SGCD: variants seen among roughly 807,000 people sequenced by gnomAD.
SGCD encodes the protein delta-sarcoglycan.
In SGCD, 18 loss-of-function variants were observed where a neutral mutation model predicts 36.6. The observed-to-expected ratio is 0.49, with a 90% CI of 0.34 to 0.73. The LOEUF is 0.73. Ranked by LOEUF, SGCD falls within the 30% of genes least tolerant of loss-of-function variation. The probability of loss-of-function intolerance (pLI) is 0.01; values close to 1 mark genes in which losing one functional copy is unlikely to be tolerated. For synonymous variants in SGCD, 133 were observed against 130.6 expected (o/e 1.02, Z -0.12); for missense variants, 387 against 346.7 (o/e 1.12, Z -0.92).
intron 4 of SGCD, among the ~76,000 whole-genome samples, chr5:156,569,606 CAAAA>C (rs11364707): frequency 8.0e-6 from 1 of 124,516 alleles, no homozygotes; most frequent in Non-Finnish European, 1.7e-5. Context: ...GACCCTGTCT[CAAAA>C]AAAAAAAAAA....
chr5:156,444,118 C>CT (rs1753648144), intron 3 of SGCD, among the ~76,000 whole-genome samples: 1 of 69,334 alleles, frequency 1.4e-5, no homozygotes, highest in African/African-American at 7.8e-5. Context: ...CTCTCTCTCC[C>CT]CTTCCCTCTC....
At chr5:156,332,268 T>G (rs906047290) in intron 2 of SGCD, among the ~76,000 whole-genome samples, 4 of 152,188 alleles carry the variant, frequency 2.6e-5, no homozygotes, top group African/African-American at 9.7e-5. Flanking sequence ...CAAAGTGTTT[T>G]TTTGTTTGTT....
chr5:156,701,666 C>G (rs1199375027), intron 7 of SGCD, among the ~76,000 whole-genome samples: 3 of 152,076 alleles, frequency 2.0e-5, no homozygotes, highest in Admixed American at 6.5e-5. Flanking sequence ...AAACAGAAAG[C>G]CTCTGAAGAG....
intron 3 of SGCD, among the ~76,000 whole-genome samples, chr5:156,374,149 CAAA>C (rs34872468): frequency 3.6e-5 from 5 of 140,642 alleles, no homozygotes; most frequent in African/African-American, 1.1e-4. Context: ...GTTCAAAATA[CAAA>C]AAAAAAAAAA....
At chr5:156,749,973 TGAAATATTTTCA>T (rs1431108425) in intron 7 of SGCD, among the ~76,000 whole-genome samples, 1 of 151,846 alleles carries the variant, frequency 6.6e-6, no homozygotes, top group Non-Finnish European at 1.5e-5. Flanking sequence ...CCAAAAAAAA[TGAAATATTTTCA>T]GAAATATATA....
At chr5:156,448,734 T>TC in intron 3 of SGCD, among the ~76,000 whole-genome samples, 1 of 107,394 alleles carries the variant, frequency 9.3e-6, no homozygotes, top group Admixed American at 8.4e-5. Flanking sequence ...TCTTTTTCTT[T>TC]TTTTTTTTTT....
At chr5:156,091,835 G>A (rs1237250144) in intron 1 of SGCD, among the ~76,000 whole-genome samples, 1 of 152,230 alleles carries the variant, frequency 6.6e-6, no homozygotes, top group Non-Finnish European at 1.5e-5. Flanking sequence ...AATTGTCCCA[G>A]GCTAAATTTT....
intron 1 of SGCD, among the ~76,000 whole-genome samples, chr5:156,052,826 T>G (rs1374169406): frequency 6.8e-6 from 1 of 146,646 alleles, no homozygotes; most frequent in Admixed American, 6.8e-5. Flanking sequence ...TCACATTAAC[T>G]TGGGCACAGG....
At chr5:156,447,361 A>G (rs1385401505) in intron 3 of SGCD, among the ~76,000 whole-genome samples, 2 of 152,122 alleles carry the variant, frequency 1.3e-5, no homozygotes, top group Non-Finnish European at 2.9e-5. Flanking sequence ...ATGAGTGCTT[A>G]TTTGCTATTC....
intron 1 of SGCD, among the ~76,000 whole-genome samples, chr5:155,950,625 A>T (rs1757530388): frequency 6.6e-6 from 1 of 152,156 alleles, no homozygotes; most frequent in African/African-American, 2.4e-5. Context: ...TGTTGCTAGG[A>T]AGGACACAAC....
At position 156,472,616 on chromosome 5, in the gene SGCD, C is replaced by T. The variant is rs1426913913; in HGVS notation, c.193-35985C>T. On this transcript the variant is annotated intron_variant, in intron 3 of 8. Transcript: ENST00000337851. ...TATTTTTAGCAGAAATGGGGTTTCA[C>T]CATGTTGACCAGGCTGGTCTCGAAC... Among the ~76,000 whole-genome samples, 4 of 152,112 alleles carry T rather than the reference C, an allele frequency of 2.6e-5. No homozygotes were observed. The East Asian group carries it at 7.7e-4, about 29-fold the overall frequency.
At chr5:156,734,455 A>G (rs1016939965) in intron 7 of SGCD, among the ~76,000 whole-genome samples, 1 of 152,014 alleles carries the variant, frequency 6.6e-6, no homozygotes, top group African/African-American at 2.4e-5. Context: ...GTTCTCATGG[A>G]TGATATCCTG....
chr5:156,481,080 T>C (rs1755403966), intron 3 of SGCD, among the ~76,000 whole-genome samples: 1 of 152,214 alleles, frequency 6.6e-6, no homozygotes, highest in Non-Finnish European at 1.5e-5. Flanking sequence ...AAGAGCACAG[T>C]AATAGTATGA....
At chr5:156,174,469 A>G (rs1361699106) in intron 3 of SGCD, among the ~76,000 whole-genome samples, 1 of 152,214 alleles carries the variant, frequency 6.6e-6, no homozygotes, top group Non-Finnish European at 1.5e-5. Context: ...GGAAGGGGCC[A>G]GATCAAGCAG....
At chr5:156,164,412 C>T (rs1426694934) in intron 3 of SGCD, among the ~76,000 whole-genome samples, 2 of 152,024 alleles carry the variant, frequency 1.3e-5, no homozygotes, top group African/African-American at 2.4e-5. Flanking sequence ...TTCTCTCTGC[C>T]TTTTCAGCCT....
chr5:156,496,814 T>C (rs1212287748), intron 3 of SGCD, among the ~76,000 whole-genome samples: 2 of 152,118 alleles, frequency 1.3e-5, no homozygotes, highest in Non-Finnish European at 2.9e-5. Context: ...CTTAAAATGG[T>C]GACTGCTTTG....
chr5:155,841,419 A>G, the SGCD span, among the ~76,000 whole-genome samples: 1 of 152,180 alleles, frequency 6.6e-6, no homozygotes, highest in African/African-American at 2.4e-5. Context: ...GATTTTTCCC[A>G]ATTTGGTAGG....
At position 156,478,247 on chromosome 5, in the gene SGCD, A is replaced by T. The variant is rs949052128; in HGVS notation, c.193-30354A>T. 2.0e-5 allele frequency among the ~76,000 whole-genome samples: 3 copies of T among 152,186 alleles called. No individual in the cohort carries two copies. The South Asian group carries it at 6.2e-4, about 32-fold the overall frequency. On this transcript the variant is annotated intron_variant, in intron 3 of 8. Transcript: ENST00000337851. ...TCACTAAGATTGATAAGGGACCTAT[A>T]TCAGAAATTCGAGTGGGCTCCTTTC...
At chr5:156,021,106 A>G (rs1451932528) in intron 1 of SGCD, among the ~76,000 whole-genome samples, 1 of 152,236 alleles carries the variant, frequency 6.6e-6, no homozygotes, top group Non-Finnish European at 1.5e-5. Context: ...TTTTATGTTT[A>G]ATACCAATGG....
Sources: gnomAD v4.1 joint callset for allele counts (sites outside exome capture counted in the v4.1 genomes callset) on GRCh38, gnomAD v4.1.1 for gene constraint, MANE v1.5 for transcripts, NCBI Gene and HGNC (gene_info 2026-07-23, HGNC 2026-07-21) for gene names.